The following GOLM2 variants were observed in gnomAD, a reference collection of about 807,000 sequenced individuals.
GOLM2 encodes the protein protein GOLM2.
GOLM2 carries 26 observed loss-of-function variants against 55.9 expected under a neutral mutation model. The observed-to-expected ratio is 0.47, with a 90% CI of 0.34 to 0.65. The LOEUF is 0.65. Ranked by LOEUF, GOLM2 falls within the 30% of genes least tolerant of loss-of-function variation. GOLM2 has a pLI of 0.01. For synonymous variants in GOLM2, 165 were observed against 194.6 expected, an observed-to-expected ratio of 0.85 and a Z score of 1.27; for missense variants, 486 against 531.8, an observed-to-expected ratio of 0.91 and a Z score of 0.85.
chr15:44,319,249 C>T (rs768043263), intron 1 of GOLM2, among the ~76,000 whole-genome samples: 4 of 152,202 alleles, frequency 2.6e-5, no homozygotes, highest in South Asian at 2.1e-4. Flanking sequence ...GGTCTTGCTC[C>T]GTTGCCCAGA....
chr15:44,401,829 C>CTT lies in GOLM2; in HGVS notation c.1073-1042_1073-1041dup, dbSNP rs754956674. On this transcript the variant is annotated intron_variant, in intron 8 of 9. Coordinates refer to ENST00000299957, the MANE Select transcript of GOLM2 (RefSeq NM_138423.4). ...TTATGTCTATTTATCTTCTTGATTT[C>CTT]TTTTTTTTTTTTTTTTTGAGATGGA... is the stretch of plus-strand genomic sequence containing the variant. Among the ~76,000 whole-genome samples the CTT allele has an allele frequency of 1.4e-4, 17 of 119,696 alleles. 1 individual carries two copies. Among genetic ancestry groups the CTT allele is most frequent in the East Asian group, 9.7e-4 (4 of 4,104 alleles). 78.5% of individuals were successfully genotyped at this position (119,696 alleles called of 152,430 possible).
intron 6 of GOLM2, among the ~76,000 whole-genome samples, chr15:44,373,915 A>G (rs1443542840): frequency 2.6e-5 from 4 of 151,642 alleles, no homozygotes; most frequent in African/African-American, 9.7e-5. Flanking sequence ...AGCCTGGCCA[A>G]CATGGTGAAA....
chr15:44,405,958 A>G (rs552526574), intron 9 of GOLM2, among the ~76,000 whole-genome samples: 21 of 152,244 alleles, frequency 1.4e-4, no homozygotes, highest in Non-Finnish European at 2.5e-4. Context: ...TAACTGTCCA[A>G]AAAGTAGGGA....
chr15:44,331,956 A>T (rs1188369305), intron 3 of GOLM2, 32 bp from the exon 4 acceptor site: 1 of 1,425,012 alleles, frequency 7.0e-7, no homozygotes, highest in Non-Finnish European at 9.9e-7. Flanking sequence ...ATCCAAGATA[A>T]TATAATCTAA....
At chr15:44,365,052 G>A (rs1256307210) in intron 6 of GOLM2, among the ~76,000 whole-genome samples, 2 of 152,170 alleles carry the variant, frequency 1.3e-5, no homozygotes, top group Non-Finnish European at 2.9e-5. Context: ...ATCAAAAAGA[G>A]TTAAAAACTT....
chr15:44,291,737 A>G (rs1217563428), intron 1 of GOLM2, among the ~76,000 whole-genome samples: 1 of 152,164 alleles, frequency 6.6e-6, no homozygotes. Context: ...CCAGTCACCT[A>G]GTAAGGGACT....
At chr15:44,322,170 C>T (rs1158889859) in intron 1 of GOLM2, among the ~76,000 whole-genome samples, 2 of 152,198 alleles carry the variant, frequency 1.3e-5, no homozygotes, top group African/African-American at 4.8e-5. Context: ...GAGTTCGAGA[C>T]CAGCCTGGCC....
intron 6 of GOLM2, among the ~76,000 whole-genome samples, chr15:44,357,244 G>T (rs1012572855): frequency 6.6e-6 from 1 of 151,780 alleles, no homozygotes; most frequent in Admixed American, 6.6e-5. Flanking sequence ...ATGCAAATCT[G>T]GTTTAATATT....
chr15:44,347,484 A>C (rs1238561911), intron 6 of GOLM2, among the ~76,000 whole-genome samples: 2 of 152,166 alleles, frequency 1.3e-5, no homozygotes, highest in Non-Finnish European at 2.9e-5. Flanking sequence ...AACTCAGCCA[A>C]TGCCCACAGA....
intron 1 of GOLM2, among the ~76,000 whole-genome samples, chr15:44,298,546 G>A (rs1164699358): frequency 6.6e-6 from 1 of 151,908 alleles, no homozygotes; most frequent in Non-Finnish European, 1.5e-5. Context: ...AAAGTGCTGG[G>A]ATTACAGGTG....
At chr15:44,341,849 C>A (rs887876732) in intron 6 of GOLM2, among the ~76,000 whole-genome samples, 3 of 152,000 alleles carry the variant, frequency 2.0e-5, no homozygotes, top group Non-Finnish European at 4.4e-5. Flanking sequence ...CGCCCACCAC[C>A]ACGCCCGGCT....
chr15:44,325,232 C>T (rs1823959388), intron 2 of GOLM2, among the ~76,000 whole-genome samples: 1 of 152,100 alleles, frequency 6.6e-6, no homozygotes, highest in Non-Finnish European at 1.5e-5. Context: ...TCTGTTTTGA[C>T]CCACTGGAAA....
intron 8 of GOLM2, among the ~76,000 whole-genome samples, chr15:44,389,796 C>T (rs2079475483): frequency 6.6e-6 from 1 of 152,126 alleles, no homozygotes; most frequent in Non-Finnish European, 1.5e-5. Context: ...GATCATCCTA[C>T]CTCAGCCTCC....
At chr15:44,366,720 G>C (rs1325129802) in intron 6 of GOLM2, among the ~76,000 whole-genome samples, 1 of 152,018 alleles carries the variant, frequency 6.6e-6, no homozygotes, top group Admixed American at 6.6e-5. Flanking sequence ...CTTAAGGCCA[G>C]GTGCAGTGGC....
chr15:44,395,710 C>CGG (rs1159142901), intron 8 of GOLM2, among the ~76,000 whole-genome samples: 51 of 151,694 alleles, frequency 3.4e-4, no homozygotes, highest in Non-Finnish European at 6.9e-4. Context: ...TGTGGTGGTA[C>CGG]GCGCCTGTAG....
chr15:44,351,795 A>C (rs1461609047), intron 6 of GOLM2, among the ~76,000 whole-genome samples: 1 of 152,162 alleles, frequency 6.6e-6, no homozygotes, highest in East Asian at 1.9e-4. Flanking sequence ...GAATAATCTG[A>C]AAAAGAAATC....
At chr15:44,392,080 C>T (rs1356215485) in intron 8 of GOLM2, among the ~76,000 whole-genome samples, 1 of 151,904 alleles carries the variant, frequency 6.6e-6, no homozygotes. Context: ...GAACTCCCAA[C>T]CTCAGGTGAT....
At chr15:44,366,836 C>G (rs1243736235) in intron 6 of GOLM2, among the ~76,000 whole-genome samples, 1 of 152,002 alleles carries the variant, frequency 6.6e-6, no homozygotes, top group East Asian at 1.9e-4. Flanking sequence ...GTACTCCATT[C>G]TGGGCAACAG....
intron 1 of GOLM2, among the ~76,000 whole-genome samples, chr15:44,310,411 C>T (rs2078865311): frequency 6.8e-6 from 1 of 147,928 alleles, no homozygotes; most frequent in Non-Finnish European, 1.5e-5. Flanking sequence ...TCGAGACCAG[C>T]TTGGGCAACA....
Sources: gnomAD v4.1 joint callset for allele counts (sites outside exome capture counted in the v4.1 genomes callset) on GRCh38, gnomAD v4.1.1 for gene constraint, MANE v1.5 for transcripts, NCBI Gene and HGNC (gene_info 2026-07-23, HGNC 2026-07-21) for gene names.